The following GPAT2 variants were observed in gnomAD, a reference collection of about 807,000 sequenced individuals.
GPAT2 encodes glycerol-3-phosphate acyltransferase 2, mitochondrial, also known as 1-acylglycerol-3-phosphate O-acyltransferase GPAT2.
In GPAT2, 51 loss-of-function variants were observed where a neutral mutation model predicts 71.0. That is an observed-to-expected ratio of 0.72 (90% CI 0.57 to 0.91). The LOEUF (loss-of-function observed/expected upper bound fraction) is 0.91. Among genes scored for constraint, GPAT2 ranks in the 40% least tolerant of loss-of-function variants. GPAT2 has a pLI of 0.00. For synonymous variants in GPAT2, 222 were observed against 290.3 expected, an observed-to-expected ratio of 0.76 and a Z score of 2.39; for missense variants, 511 against 666.0, an observed-to-expected ratio of 0.77 and a Z score of 2.56.
rs1680143896 is a variant in GPAT2 at position 96,024,535 on chromosome 2, T to G, written c.1579A>C (p.Ile527Leu). 3 of 1,613,786 alleles carry G rather than the reference T, an allele frequency of 1.9e-6. No individual in the cohort carries two copies. The East Asian group carries it at 6.7e-5, about 36-fold the overall frequency. Reference protein sequence around the residue: ...LLRAHVALLRIRQGDLLVVPQ... With the variant: ...LLRAHVALLRLRQGDLLVVPQ... ...ACCACCAGCAAGTCACCCTGACGGA[T>G]GCGCAGCAGGGCCACGTGCGCCCGC... Residue 527 changes from isoleucine to leucine, a missense_variant, in exon 15 of 22, where the codon ATC becomes CTC. Physicochemically the swap from Ile to Leu is conservative, Grantham distance 5. Transcript: ENST00000434632.
chr2:96,026,161 C>G (rs1162264434), intron 11 of GPAT2, 22 bp downstream of exon 11: 23 of 1,588,338 alleles, frequency 1.4e-5, no homozygotes, highest in Non-Finnish European at 1.8e-5. Context: ...GTACTCCCAG[C>G]CTTCCCCAGC....
In GPAT2 at chr2:96,024,498, C is replaced by T; in HGVS notation, c.1616G>A (p.Gly539Asp). ...TTGTGCCAGGTGTGTGAGGCCTGGG[C>T]CAGGCTGCGGCACCACCAGCAAGTC... ...QGDLLVVPQP[G>D]PGLTHLAQLS... The change falls in exon 15 of 22, where the codon GGC becomes GAC. Residue 539 changes from glycine to aspartate, a missense_variant. Physicochemically the swap from Gly to Asp is moderately conservative, Grantham distance 94 (BLOSUM62 -1). Transcript: ENST00000434632. 1 of 1,613,944 alleles carries T rather than the reference C, an allele frequency of 6.2e-7. No homozygotes were observed. Among genetic ancestry groups the T allele is most frequent in the Non-Finnish European group, 8.5e-7 (1 of 1,179,960 alleles).
intron 21 of GPAT2, 59 bp from the exon 22 acceptor site, chr2:96,022,334 C>T: frequency 6.7e-7 from 1 of 1,495,876 alleles, no homozygotes; most frequent in Non-Finnish European, 8.9e-7. Context: ...TACACATGGC[C>T]CAGGGGCCAG....
Position 96,022,721 on chromosome 2 carries a change from A to G in GPAT2, c.2236T>C (p.Cys746Arg), listed in dbSNP as rs375161553. ...ATAQEEGIFE[C>R]ADPKLAISAV... ...CTGATGGCGAGCTTTGGGTCCGCAC[A>G]CTCTGGAAAGAAGAGAGAAGTGAAG... The change falls in exon 21 of 22, where the codon TGT becomes CGT. Residue 746 changes from cysteine to arginine, a missense_variant and splice_region_variant. Cys to Arg is a radical substitution (Grantham distance 180). This residue lies in a region of GPAT2 where 108 missense variants were observed against 117.6 expected (regional missense o/e 0.92). Transcript: ENST00000434632. 7 of 1,613,872 alleles carry G rather than the reference A, an allele frequency of 4.3e-6. No homozygotes were observed. Among genetic ancestry groups the G allele is most frequent in the Non-Finnish European group, 5.1e-6 (6 of 1,179,862 alleles).
chr2:96,022,753 G>C, intron 20 of GPAT2, 30 bp from the exon 21 acceptor site: 1 of 1,613,986 alleles, frequency 6.2e-7, no homozygotes, highest in Non-Finnish European at 8.5e-7. Flanking sequence ...GAAGGCTCTA[G>C]GTAGGGAGAA....
rs1259841731 is a variant in GPAT2 at position 96,022,674 on chromosome 2, G to A, written c.2283C>T (p.Asp761=). The A allele has an allele frequency of 2.5e-6, 4 of 1,613,962 alleles. No homozygotes were observed. Among genetic ancestry groups the A allele is most frequent in the Non-Finnish European group, 3.4e-6 (4 of 1,179,844 alleles). The change falls in exon 21 of 22, where the codon GAC becomes GAT. Residue 761 remains aspartate (D), a synonymous_variant. Coordinates refer to ENST00000434632, the MANE Select transcript of GPAT2 (RefSeq NM_001321527.2). ...LAISAVWTFR[D]LGVLQQTPSP... is the part of the protein sequence containing the mutation. ...TGACAGTGGCTCCTCTCACCCCTAGGTCTCTGAAGGTCCAGACAGCACTGA... is the reference window on the plus strand; with the variant it reads ...TGACAGTGGCTCCTCTCACCCCTAGATCTCTGAAGGTCCAGACAGCACTGA...
chr2:96,023,726 C>T (rs1311132441), intron 17 of GPAT2, 197 bp downstream of exon 17: 7 of 1,075,224 alleles, frequency 6.5e-6, no homozygotes, highest in Non-Finnish European at 7.9e-6. Context: ...CACACAGAAC[C>T]GGGGCATAGG....
intron 17 of GPAT2, 121 bp from the exon 18 acceptor site, chr2:96,023,561 A>G (rs1266177344): frequency 9.3e-7 from 1 of 1,077,530 alleles, no homozygotes; most frequent in Admixed American, 2.1e-5. Flanking sequence ...GAGGATGGCC[A>G]GAGCCATGCC....
chr2:96,022,271 A>G lies in GPAT2; in HGVS notation c.2294T>C (p.Leu765Pro), dbSNP rs1360231478. The G allele has an allele frequency of 1.3e-6, 2 of 1,594,648 alleles. No individual in the cohort carries two copies. The change falls in exon 22 of 22, where the codon CTG becomes CCG. Residue 765 changes from leucine (L) to proline (P), a missense_variant. Leu to Pro is a moderately conservative substitution (Grantham distance 98). This residue lies in a region of GPAT2 where 108 missense variants were observed against 117.6 expected (regional missense o/e 0.92). Transcript: ENST00000434632. ...GCCTGCAGGGCTCGGCGTCTGCTGC[A>G]GAACCTGGGCCATGGAAGATAAGCC... ...AVWTFRDLGV[L>P]QQTPSPAGPR...
At position 96,024,513 on chromosome 2, in the gene GPAT2, AC is replaced by A; in HGVS notation, c.1600del (p.Val534TrpfsTer15). 6.2e-7 allele frequency: 1 copy of A among 1,613,930 alleles called. No individual in the cohort carries two copies. The highest frequency in any genetic ancestry group is 8.5e-7 in the Non-Finnish European group (1 of 1,179,974). ...LLRIRQGDLL[V>X]VPQPGPGLTH... is the part of the protein sequence containing the mutation. Reference sequence around the variant, plus strand: ...GAGGCCTGGGCCAGGCTGCGGCACCACCAGCAAGTCACCCTGACGGATGCGC... The same window carrying A: ...GAGGCCTGGGCCAGGCTGCGGCACCACAGCAAGTCACCCTGACGGATGCGC... On this transcript the variant is annotated frameshift_variant, in exon 15 of 22. Coordinates refer to ENST00000434632, the MANE Select transcript of GPAT2 (RefSeq NM_001321527.2). LOFTEE classifies it high-confidence loss of function.
intron 20 of GPAT2, 56 bp downstream of exon 20, chr2:96,022,902 A>C: frequency 6.2e-7 from 1 of 1,613,098 alleles, no homozygotes; most frequent in Non-Finnish European, 8.5e-7. Flanking sequence ...AGGGGGCAGC[A>C]GCCACCAGCA....
rs1165837860 is a variant in GPAT2, at chr2:96,024,455, C to G, written c.1659G>C (p.Leu553=). 1.2e-6 allele frequency: 2 copies of G among 1,613,838 alleles called. No individual in the cohort carries two copies. Among genetic ancestry groups the G allele is most frequent in the Non-Finnish European group, 1.7e-6 (2 of 1,179,932 alleles). Residue 553 remains leucine, a synonymous_variant, in exon 15 of 22, where the codon CTG becomes CTC. Coordinates refer to ENST00000434632, the MANE Select transcript of GPAT2 (RefSeq NM_001321527.2). ...THLAQLSAEL[L]PVFLSEAVGA... Reference sequence around the variant, plus strand: ...CCACAGCCTCGCTCAGGAAGACGGGCAGCAGCTCAGCACTCAGTTGTGCCA... The same window carrying G: ...CCACAGCCTCGCTCAGGAAGACGGGGAGCAGCTCAGCACTCAGTTGTGCCA...
In GPAT2 at chr2:96,026,016, C is replaced by T. The variant is rs530548746; in HGVS notation, c.1156-4G>A. On this transcript the variant is annotated splice_polypyrimidine_tract_variant and splice_region_variant and intron_variant, in intron 11 of 21. Coordinates refer to ENST00000434632, the MANE Select transcript of GPAT2 (RefSeq NM_001321527.2). ...TTCTGGCACTGACGATGTATTCCTG[C>T]CCAAGAGAAGGCTCTTAGGTGGCCT... 70 of 1,612,686 alleles carry T rather than the reference C, an allele frequency of 4.3e-5. No individual in the cohort carries two copies. In the East Asian group the frequency reaches 1.3e-3, roughly 29 times the overall value.
chr2:96,032,213 G>C lies in GPAT2; in HGVS notation c.64-67C>G. On this transcript the variant is annotated intron_variant, in intron 2 of 21. Transcript: ENST00000434632. ...TTGGCAGGAGAGAGGGAAAGATGGA[G>C]CAATGGAGGCTCTAGGAGTGAGGGG... 4 of 1,514,000 alleles carry C rather than the reference G, an allele frequency of 2.6e-6. No homozygotes were observed. The South Asian group carries it at 3.4e-5, about 13-fold the overall frequency. 93.8% of individuals were successfully genotyped at this position (1,514,000 alleles called of 1,614,324 possible).
intron 21 of GPAT2, 29 bp from the exon 22 acceptor site, chr2:96,022,304 C>T (rs370087637): frequency 1.3e-5 from 20 of 1,561,376 alleles, no homozygotes; most frequent in African/African-American, 2.7e-5. Context: ...GCCGTGAGTG[C>T]GCTCACCACA....
At chr2:96,023,539 C>A (rs1679981865) in intron 17 of GPAT2, 99 bp from the exon 18 acceptor site, 1 of 1,303,852 alleles carries the variant, frequency 7.7e-7, no homozygotes. Context: ...AAAAGCAGAC[C>A]TAGAGACCCA....
At chr2:96,023,472 A>G (rs1193762555) in intron 17 of GPAT2, 32 bp from the exon 18 acceptor site, 10 of 1,612,832 alleles carry the variant, frequency 6.2e-6, no homozygotes, top group South Asian at 3.3e-5. Context: ...TTCTCTGACA[A>G]GCTGGCCAGG....
chr2:96,023,324 G>A lies in GPAT2; in HGVS notation c.2031C>T (p.Asp677=), dbSNP rs758198594. 19 of 1,614,040 alleles carry A rather than the reference G, an allele frequency of 1.2e-5. No homozygotes were observed. Among genetic ancestry groups the A allele is most frequent in the South Asian group, 5.5e-5 (5 of 91,084 alleles). ...TGAAACACACCCTGAAGTACCGGCC[G>A]TCAGCCTCTCCGAAGTCATCACTGT... ...DSDSDDFGEA[D]GRYFRLSQQS... is the part of the protein sequence containing the mutation. The change falls in exon 18 of 22, where the codon GAC becomes GAT. Residue 677 remains aspartate (D), a synonymous_variant. Transcript: ENST00000434632.
Position 96,024,185 on chromosome 2 carries a change from T to C in GPAT2, c.1836+4A>G. 2 of 1,517,650 alleles carry C rather than the reference T, an allele frequency of 1.3e-6. No individual in the cohort carries two copies. Among genetic ancestry groups the C allele is most frequent in the Non-Finnish European group, 1.8e-6 (2 of 1,130,296 alleles). The allele number at this position is 1,517,650 out of a possible 1,614,324, so 94.0% of individuals were successfully genotyped here. On this transcript the variant is annotated splice_donor_region_variant and intron_variant, in intron 16 of 21. Coordinates refer to ENST00000434632, the MANE Select transcript of GPAT2 (RefSeq NM_001321527.2). ...GACCAAGTGGGCCGTAGGGGAGGCC[T>C]GACCTTTAGCAGCAGCAGGTCTTGC...
Sources: gnomAD v4.1 joint callset for allele counts on GRCh38, gnomAD v4.1.1 for gene constraint, gnomAD v4.1.1 regional missense constraint, MANE v1.5 for transcripts, NCBI Gene and HGNC (gene_info 2026-07-23, HGNC 2026-07-21) for gene names.